The following ARL6IP6 variants were observed in gnomAD, a reference collection of about 807,000 sequenced individuals.
ARL6IP6 encodes ADP-ribosylation factor-like protein 6-interacting protein 6.
Under a neutral mutation model 21.5 loss-of-function variants are expected in ARL6IP6, and 22 were observed. The ratio of observed to expected loss-of-function variants is 1.02; its 90% CI spans 0.73 to 1.46. The LOEUF is 1.46. Among genes scored for constraint, ARL6IP6 ranks in the 40% most tolerant of loss-of-function variants. The pLI is 0.00. For synonymous variants in ARL6IP6, 164 were observed against 125.3 expected (o/e 1.31, Z -2.06); for missense variants, 388 against 299.8 (o/e 1.29, Z -2.17).
Position 152,720,570 on chromosome 2 carries a change from A to C in ARL6IP6, c.438A>C (p.Val146=), listed in dbSNP as rs1699741094. 2 of 1,613,974 alleles carry C rather than the reference A, an allele frequency of 1.2e-6. No individual in the cohort carries two copies. Among genetic ancestry groups the C allele is most frequent in the Non-Finnish European group, 1.7e-6 (2 of 1,179,954 alleles). The change falls in exon 2 of 4, where the codon GTA becomes GTC. Residue 146 remains valine (V), a synonymous_variant. Transcript: ENST00000326446. ...AGAATTTGAAAAATGAAGATGATGT[A>C]GACACTGGACTATTAGGTATGGACT... The part of the protein sequence containing the change: ...HAENLKNEDD[V]DTGLLGFWTL...
chr2:152,755,379 C>T (rs1701536770), intron 3 of ARL6IP6, among the ~76,000 whole-genome samples: 5 of 152,088 alleles, frequency 3.3e-5, no homozygotes, highest in Admixed American at 2.0e-4. Context: ...TCCGTCAGGC[C>T]CGCCTGCAGT....
At chr2:152,719,846 T>G in intron 1 of ARL6IP6, 1 of 456,546 alleles carries the variant, frequency 2.2e-6, no homozygotes, top group South Asian at 1.6e-5. Context: ...CTTCATTAAA[T>G]ATAATTAAAT....
At chr2:152,721,819 C>T (rs183503307) in intron 2 of ARL6IP6, among the ~76,000 whole-genome samples, 2 of 152,330 alleles carry the variant, frequency 1.3e-5, no homozygotes, top group East Asian at 1.9e-4. Flanking sequence ...CCTTTATCTT[C>T]AAATTGCAAA....
chr2:152,734,620 C>T (rs1313914253), intron 2 of ARL6IP6, among the ~76,000 whole-genome samples: 2 of 152,158 alleles, frequency 1.3e-5, no homozygotes, highest in East Asian at 1.9e-4. Context: ...TCTCCCAAAA[C>T]ACTGTGATTG....
chr2:152,753,771 C>T (rs2105184252), intron 3 of ARL6IP6, among the ~76,000 whole-genome samples: 1 of 150,724 alleles, frequency 6.6e-6, no homozygotes, highest in East Asian at 2.0e-4. Flanking sequence ...GCGATCTCAG[C>T]TCACTGCAAG....
At position 152,759,749 on chromosome 2, in the gene ARL6IP6, AACTG is replaced by A. The variant is rs766015346; in HGVS notation, c.595_598del (p.Thr199AspfsTer13). The A allele has an allele frequency of 9.9e-6, 16 of 1,611,992 alleles. No individual in the cohort carries two copies. The highest frequency in any genetic ancestry group is 2.2e-5 in the South Asian group (2 of 90,958). On this transcript the variant is annotated frameshift_variant, in exon 4 of 4. Coordinates refer to ENST00000326446, the MANE Select transcript of ARL6IP6 (RefSeq NM_152522.7). LOFTEE classifies it high-confidence loss of function. Reference sequence around the variant, plus strand: ...TTTGTGTTTTTCTTTTTTTCTAGGAAACTGACTGGACATTCTTTCCACATGGGCT... The same window carrying A: ...TTTGTGTTTTTCTTTTTTTCTAGGAAACTGGACATTCTTTCCACATGGGCT...
rs574836751 is a variant in ARL6IP6 at position 152,758,285 on chromosome 2, T to C, written c.588-1462T>C. ...ACAAGGGAAAAAAGTGTATACATGT[T>C]CTGTACGGATGCATTTTTTTTTTCA... On this transcript the variant is annotated intron_variant, in intron 3 of 3. Coordinates refer to ENST00000326446, the MANE Select transcript of ARL6IP6 (RefSeq NM_152522.7). 2.2e-4 allele frequency among the ~76,000 whole-genome samples: 33 copies of C among 152,298 alleles called. 1 individual carries two copies. The highest frequency in any genetic ancestry group is 3.5e-4 in the Non-Finnish European group (24 of 68,018).
intron 1 of ARL6IP6, chr2:152,719,916 T>C (rs1006343223): frequency 9.6e-5 from 45 of 471,060 alleles, no homozygotes; most frequent in African/African-American, 8.8e-4. Context: ...GGGCTACAGA[T>C]GGCATGGCAT....
chr2:152,718,593 C>G (rs757346270), upstream of ARL6IP6: 8 of 1,501,282 alleles, frequency 5.3e-6, no homozygotes, highest in Non-Finnish European at 7.1e-6. Flanking sequence ...GGGAGAGGCT[C>G]GTTCTCCGCG....
chr2:152,717,850 G>A (rs936534448), upstream of ARL6IP6: 23 of 1,100,616 alleles, frequency 2.1e-5, no homozygotes, highest in Non-Finnish European at 2.5e-5. Context: ...CCAGGGGTAG[G>A]GTGGAGGGGG....
intron 3 of ARL6IP6, among the ~76,000 whole-genome samples, chr2:152,753,846 G>A (rs1017572935): frequency 2.7e-4 from 41 of 151,846 alleles, no homozygotes; most frequent in African/African-American, 9.2e-4. Context: ...ACAGGCGCTC[G>A]CCACCACGCC....
intron 2 of ARL6IP6, among the ~76,000 whole-genome samples, chr2:152,726,377 A>T (rs765775139): frequency 6.6e-6 from 1 of 152,012 alleles, no homozygotes; most frequent in South Asian, 2.1e-4. Flanking sequence ...TGCACCCACT[A>T]TGCTCATGTT....
chr2:152,718,259 T>G, upstream of ARL6IP6: 9 of 274,662 alleles, frequency 3.3e-5, no homozygotes, highest in East Asian at 2.4e-4. Flanking sequence ...AGATGAGGCT[T>G]TGGGGCTGTC....
chr2:152,751,038 C>T (rs1405361140), intron 3 of ARL6IP6, among the ~76,000 whole-genome samples: 1 of 151,930 alleles, frequency 6.6e-6, no homozygotes, highest in East Asian at 1.9e-4. Context: ...GCCATGAAAC[C>T]GTGGGATTTT....
rs1700619169 is a variant in ARL6IP6, at chr2:152,737,813, G to GGGGCACAGCCAAACAT, written c.587+2701_587+2702insATGGGCACAGCCAAAC. On this transcript the variant is annotated intron_variant, in intron 3 of 3. Coordinates refer to ENST00000326446, the MANE Select transcript of ARL6IP6 (RefSeq NM_152522.7). ...CTGCAATTCAAGATGAGATTTGGGT[G>GGGGCACAGCCAAACAT]GGGCACAGCCAAACCATGTCATTCT... is the stretch of plus-strand genomic sequence containing the variant. Among the ~76,000 whole-genome samples the GGGGCACAGCCAAACAT allele has an allele frequency of 3.3e-5, 5 of 152,162 alleles. No homozygotes were observed. In the South Asian group the frequency reaches 1.0e-3, roughly 32 times the overall value.
chr2:152,731,380 G>A (rs1700302330), intron 2 of ARL6IP6, among the ~76,000 whole-genome samples: 1 of 152,142 alleles, frequency 6.6e-6, no homozygotes, highest in Non-Finnish European at 1.5e-5. Context: ...TCCATTGCAT[G>A]TACTTTTTAC....
At chr2:152,758,045 T>TCATC (rs1231972131) in intron 3 of ARL6IP6, among the ~76,000 whole-genome samples, 1 of 152,162 alleles carries the variant, frequency 6.6e-6, no homozygotes, top group African/African-American at 2.4e-5. Flanking sequence ...GTGAGTACAG[T>TCATC]CATCCCCCTT....
intron 3 of ARL6IP6, among the ~76,000 whole-genome samples, chr2:152,743,285 G>T (rs1310819669): frequency 6.6e-6 from 1 of 152,074 alleles, no homozygotes; most frequent in Non-Finnish European, 1.5e-5. Context: ...TCACATCTAG[G>T]ATAGAAATGT....
intron 2 of ARL6IP6, among the ~76,000 whole-genome samples, chr2:152,720,902 G>A (rs547429834): frequency 6.6e-6 from 1 of 152,226 alleles, no homozygotes; most frequent in East Asian, 1.9e-4. Flanking sequence ...ACCAGTCTGG[G>A]CAACATAGTG....
Sources: gnomAD v4.1 joint callset for allele counts (sites outside exome capture counted in the v4.1 genomes callset) on GRCh38, gnomAD v4.1.1 for gene constraint, MANE v1.5 for transcripts, NCBI Gene and HGNC (gene_info 2026-07-23, HGNC 2026-07-21) for gene names.